Variants in KCNQ5 observed in about 807,000 individuals in gnomAD.
KCNQ5 encodes potassium voltage-gated channel subfamily KQT member 5.
In KCNQ5, 30 loss-of-function variants were observed where a neutral mutation model predicts 98.2. The ratio of observed to expected loss-of-function variants is 0.31; its 90% CI spans 0.23 to 0.41. KCNQ5 has a LOEUF of 0.41. Among genes scored for constraint, KCNQ5 ranks in the 10% least tolerant of loss-of-function variants. KCNQ5 has a pLI of 1.00. For synonymous variants in KCNQ5, 458 were observed against 449.4 expected (o/e 1.02, Z -0.24); for missense variants, 835 against 1,182.5 (o/e 0.71, Z 4.31).
intron 10 of KCNQ5, among the ~76,000 whole-genome samples, chr6:73,159,390 G>A (rs940867167): frequency 6.6e-6 from 1 of 152,140 alleles, no homozygotes; most frequent in Non-Finnish European, 1.5e-5. Context: ...AAAAGTAACT[G>A]TTGGATAGTT....
chr6:72,736,502 C>CTTTTTTTTTTTT lies in KCNQ5; in HGVS notation c.398+113919_398+113930dup, dbSNP rs752921476. On this transcript the variant is annotated intron_variant, in intron 1 of 13. Transcript: ENST00000370398. ...TATGCTTACATGTAAAAAAAGATTT[C>CTTTTTTTTTTTT]TTTTTTTTTTTTTTTGAGACGGAGT... 2.6e-4 allele frequency among the ~76,000 whole-genome samples: 32 copies of CTTTTTTTTTTTT among 121,020 alleles called. 2 individuals are homozygous for CTTTTTTTTTTTT. Among genetic ancestry groups the CTTTTTTTTTTTT allele is most frequent in the African/African-American group, 7.0e-4 (19 of 27,166 alleles). The allele number at this position is 121,020 out of a possible 152,430, so 79.4% of individuals were successfully genotyped here.
chr6:72,801,528 G>A (rs1414890498), intron 1 of KCNQ5, among the ~76,000 whole-genome samples: 48 of 135,856 alleles, frequency 3.5e-4, no homozygotes, highest in Non-Finnish European at 6.2e-4. Flanking sequence ...GTCTCTGCAC[G>A]TGAGATGGGT....
intron 1 of KCNQ5, among the ~76,000 whole-genome samples, chr6:72,999,028 G>C (rs892723123): frequency 6.6e-6 from 1 of 152,200 alleles, no homozygotes; most frequent in Non-Finnish European, 1.5e-5. Flanking sequence ...TTGTGTGTTT[G>C]TGTGAATGCC....
chr6:72,644,364 G>A (rs548818741), intron 1 of KCNQ5, among the ~76,000 whole-genome samples: 33 of 152,142 alleles, frequency 2.2e-4, no homozygotes, highest in Admixed American at 5.2e-4. Context: ...TATTTTCTCC[G>A]TAAGGCACAT....
At chr6:73,082,050 G>A (rs1222642062) in intron 5 of KCNQ5, among the ~76,000 whole-genome samples, 1 of 152,174 alleles carries the variant, frequency 6.6e-6, no homozygotes, top group Non-Finnish European at 1.5e-5. Context: ...GGAAACATAA[G>A]GGCCAAAATA....
At chr6:73,062,112 G>T (rs1355740636) in intron 3 of KCNQ5, among the ~76,000 whole-genome samples, 1 of 152,080 alleles carries the variant, frequency 6.6e-6, no homozygotes. Flanking sequence ...GTAATTTCAG[G>T]AATGGTATGT....
chr6:73,159,696 T>A (rs888169684), intron 10 of KCNQ5, among the ~76,000 whole-genome samples: 7 of 152,228 alleles, frequency 4.6e-5, no homozygotes, highest in African/African-American at 1.7e-4. Flanking sequence ...GCTGAATAAT[T>A]TTCAGTCATT....
At chr6:73,053,349 A>G (rs1170782092) in intron 3 of KCNQ5, among the ~76,000 whole-genome samples, 1 of 152,136 alleles carries the variant, frequency 6.6e-6, no homozygotes, top group Non-Finnish European at 1.5e-5. Context: ...TGAGGCAGAA[A>G]ACTAACAAAG....
intron 1 of KCNQ5, among the ~76,000 whole-genome samples, chr6:72,813,448 A>G (rs941023259): frequency 9.2e-5 from 14 of 152,198 alleles, no homozygotes; most frequent in African/African-American, 3.1e-4. Context: ...TCAGTTTGTT[A>G]GCATGTTACA....
intron 1 of KCNQ5, among the ~76,000 whole-genome samples, chr6:72,838,332 T>C (rs943343081): frequency 3.9e-5 from 6 of 151,950 alleles, no homozygotes; most frequent in African/African-American, 1.5e-4. Flanking sequence ...CCATACTCCC[T>C]GAAAAAAATA....
rs546835876 is a variant in KCNQ5 at position 73,194,694 on chromosome 6, G to C, written c.2079G>C (p.Thr693=). ...CGAGAGGCCTGCAGTTCATTCTGAC[G>C]CCAAATGAGTTCAGTGCCCAGACTT... The part of the protein sequence containing the change: ...NISRGLQFIL[T]PNEFSAQTFY... Residue 693 remains threonine, a synonymous_variant, in exon 14 of 14, where the codon ACG becomes ACC. Coordinates refer to ENST00000370398, the MANE Select transcript of KCNQ5 (RefSeq NM_019842.4). The C allele has an allele frequency of 6.2e-7, 1 of 1,614,226 alleles. No individual in the cohort carries two copies. Among genetic ancestry groups the C allele is most frequent in the East Asian group, 2.2e-5 (1 of 44,888 alleles).
At chr6:73,169,894 T>G in intron 11 of KCNQ5, 40 bp downstream of exon 11, 1 of 1,241,598 alleles carries the variant, frequency 8.1e-7, no homozygotes, top group Non-Finnish European at 1.2e-6. Flanking sequence ...AGAGACATAC[T>G]TATGATTAAT....
rs776609841 is a variant in KCNQ5, at chr6:73,077,335, T to G, written c.630T>G (p.Leu210=). 1 of 1,614,124 alleles carries G rather than the reference T, an allele frequency of 6.2e-7. No homozygotes were observed. The highest frequency in any genetic ancestry group is 1.7e-5 in the Admixed American group (1 of 60,022). Residue 210 remains leucine (L), a synonymous_variant, in exon 4 of 14, where the codon CTT becomes CTG. Coordinates refer to ENST00000370398, the MANE Select transcript of KCNQ5 (RefSeq NM_019842.4). ...KPFCVIDTIV[L]IASIAVVSAK... ...TGTTTCTTTCAGATACCATTGTTCT[T>G]ATCGCTTCAATAGCAGTTGTTTCTG... is the stretch of plus-strand genomic sequence containing the variant.
intron 1 of KCNQ5, among the ~76,000 whole-genome samples, chr6:72,700,864 T>A (rs1429218252): frequency 5.3e-5 from 8 of 152,188 alleles, no homozygotes; most frequent in African/African-American, 1.9e-4. Context: ...CAGCTAAGCC[T>A]CTGTGGAGGT....
chr6:73,033,560 A>G (rs1372457252), intron 2 of KCNQ5, among the ~76,000 whole-genome samples: 2 of 152,272 alleles, frequency 1.3e-5, no homozygotes, highest in South Asian at 2.1e-4. Flanking sequence ...AAATTCATCT[A>G]TCATATCTAC....
intron 1 of KCNQ5, among the ~76,000 whole-genome samples, chr6:72,662,749 GTT>G (rs1766594265): frequency 6.6e-6 from 1 of 151,992 alleles, no homozygotes; most frequent in African/African-American, 2.4e-5. Flanking sequence ...TTGTGTTACT[GTT>G]TTGTTTTGTT....
chr6:72,867,404 A>G (rs192487202), intron 1 of KCNQ5, among the ~76,000 whole-genome samples: 1 of 152,360 alleles, frequency 6.6e-6, no homozygotes. Context: ...GAAACACAGA[A>G]TGTTGTAGAA....
chr6:72,900,104 G>A (rs1779426543), intron 1 of KCNQ5, among the ~76,000 whole-genome samples: 1 of 152,082 alleles, frequency 6.6e-6, no homozygotes, highest in Non-Finnish European at 1.5e-5. Context: ...CCAAACTGCT[G>A]GGATTACAGG....
intron 1 of KCNQ5, among the ~76,000 whole-genome samples, chr6:72,977,218 G>A (rs181477536): frequency 3.2e-4 from 49 of 152,322 alleles, no homozygotes; most frequent in African/African-American, 1.2e-3. Context: ...TAGTGAGGAT[G>A]TGGAAAGGAA....
Sources: allele counts gnomAD v4.1 joint callset (sites outside exome capture counted in the v4.1 genomes callset), GRCh38; gene constraint gnomAD v4.1.1; transcripts MANE v1.5; gene names NCBI Gene and HGNC (gene_info 2026-07-23, HGNC 2026-07-21).